KDM2A: variants seen among roughly 807,000 people sequenced by gnomAD.
KDM2A encodes lysine demethylase 2A.
KDM2A carries 3 observed loss-of-function variants against 137.3 expected under a neutral mutation model. The ratio of observed to expected loss-of-function variants is 0.02; its 90% CI spans 0.01 to 0.06. The LOEUF (loss-of-function observed/expected upper bound fraction) is 0.06, where lower values mean the gene tolerates loss of function less well. Ranked by LOEUF, KDM2A falls within the 10% of genes least tolerant of loss-of-function variation. KDM2A has a pLI of 1.00. For missense variants in KDM2A, 738 were observed against 1,510.6 expected (o/e 0.49, Z 8.48); for synonymous variants, 512 against 541.5 (o/e 0.95, Z 0.76).
chr11:67,245,303 A>G lies in KDM2A; in HGVS notation c.1678A>G (p.Ile560Val). 1.9e-6 allele frequency: 3 copies of G among 1,613,990 alleles called. No homozygotes were observed. The highest frequency in any genetic ancestry group is 2.5e-6 in the Non-Finnish European group (3 of 1,179,902). The change falls in exon 14 of 21, where the codon ATT becomes GTT. Residue 560 changes from isoleucine (I) to valine (V), a missense_variant. Coordinates refer to ENST00000529006, the MANE Select transcript of KDM2A (RefSeq NM_012308.3). The surrounding 1 kb of genome is among the most constrained non-coding windows in gnomAD (Gnocchi z 4.1). ...TPVRPAAASP[I>V]VSGARRRRVR... is the part of the protein sequence containing the mutation. ...TGTGAGGCCAGCTGCTGCCTCCCCG[A>G]TTGTGTCAGGAGCCAGACGGAGACG...
At chr11:67,217,665 T>G in intron 8 of KDM2A, 66 bp from the exon 9 acceptor site, 1 of 1,504,596 alleles carries the variant, frequency 6.6e-7, no homozygotes, top group East Asian at 2.3e-5. Flanking sequence ...TACCTGTTTA[T>G]CAGTTGAGGG....
chr11:67,212,980 G>A (rs1321663155), intron 6 of KDM2A, among the ~76,000 whole-genome samples: 1 of 152,154 alleles, frequency 6.6e-6, no homozygotes, highest in South Asian at 2.1e-4. Context: ...GGCATCCAGG[G>A]CTTATTCAAT....
At chr11:67,216,157 G>A (rs930857073) in intron 8 of KDM2A, among the ~76,000 whole-genome samples, 4 of 152,166 alleles carry the variant, frequency 2.6e-5, no homozygotes, top group African/African-American at 9.7e-5. Flanking sequence ...TTACACCATT[G>A]GCACAGCACT....
At position 67,255,345 on chromosome 11, in the gene KDM2A, G is replaced by A; in HGVS notation, c.*290G>A. The A allele has an allele frequency of 2.1e-6, 1 of 475,440 alleles. No individual in the cohort carries two copies. Among genetic ancestry groups the A allele is most frequent in the Non-Finnish European group, 4.0e-6 (1 of 252,462 alleles). 29.5% of individuals were successfully genotyped at this position (475,440 alleles called of 1,614,324 possible). The stretch of plus-strand genomic sequence containing the variant: ...CGCTTACTCGCCTGCCAGGAGGCCG[G>A]GCTCTCAGTTTGGGGTGTTTGTGCA... On this transcript the variant is annotated 3_prime_UTR_variant, in exon 21 of 21. Transcript: ENST00000529006.
chr11:67,180,348 T>C (rs1375433104), intron 3 of KDM2A, 131 bp downstream of exon 3: 13 of 922,788 alleles, frequency 1.4e-5, no homozygotes, highest in Admixed American at 6.2e-5. Context: ...TCTCTTGTTA[T>C]ACAATGCCAT....
At chr11:67,169,677 A>G (rs1344730022) in intron 2 of KDM2A, among the ~76,000 whole-genome samples, 1 of 148,466 alleles carries the variant, frequency 6.7e-6, no homozygotes, top group Non-Finnish European at 1.5e-5. Flanking sequence ...CGCTCAGCCC[A>G]TCACTTGGTT....
intron 2 of KDM2A, among the ~76,000 whole-genome samples, chr11:67,141,734 C>T (rs1380140042): frequency 2.0e-5 from 3 of 148,622 alleles, no homozygotes; most frequent in Admixed American, 6.8e-5. Context: ...ATTATAGTCA[C>T]CCTACTTACG....
intron 1 of KDM2A, among the ~76,000 whole-genome samples, chr11:67,120,856 C>T (rs778159665): frequency 6.6e-6 from 1 of 151,692 alleles, no homozygotes; most frequent in Non-Finnish European, 1.5e-5. Context: ...TGGTTAGGAT[C>T]TGGATTAGTT....
intron 12 of KDM2A, among the ~76,000 whole-genome samples, chr11:67,234,627 A>G (rs994143460): frequency 1.1e-4 from 17 of 152,218 alleles, no homozygotes; most frequent in Admixed American, 6.5e-5. Flanking sequence ...CTAGTGCTTT[A>G]GGCGGCAGAC....
At chr11:67,207,870 CA>C (rs1023958826) in intron 6 of KDM2A, among the ~76,000 whole-genome samples, 182 bp downstream of exon 6, 35 of 144,204 alleles carry the variant, frequency 2.4e-4, no homozygotes, top group African/African-American at 2.8e-4. Flanking sequence ...ACAAAAAGTA[CA>C]AAAAAAAAAA....
intron 5 of KDM2A, among the ~76,000 whole-genome samples, chr11:67,204,193 G>T (rs979050031): frequency 9.2e-5 from 14 of 152,006 alleles, no homozygotes; most frequent in African/African-American, 3.4e-4. Context: ...TAACCATTAC[G>T]TTTTTTTCTT....
chr11:67,140,831 G>T (rs1856083450), intron 2 of KDM2A, among the ~76,000 whole-genome samples: 1 of 152,048 alleles, frequency 6.6e-6, no homozygotes, highest in Admixed American at 6.5e-5. Flanking sequence ...TAATTCACCA[G>T]TTATTTATTG....
At position 67,255,022 on chromosome 11, in the gene KDM2A, G is replaced by C. The variant is rs751496172; in HGVS notation, c.3456G>C (p.Leu1152=). The C allele has an allele frequency of 6.2e-7, 1 of 1,612,950 alleles. No individual in the cohort carries two copies. The highest frequency in any genetic ancestry group is 8.5e-7 in the Non-Finnish European group (1 of 1,179,440). The change falls in exon 21 of 21, where the codon CTG becomes CTC. Residue 1152 remains leucine, a synonymous_variant. Coordinates refer to ENST00000529006, the MANE Select transcript of KDM2A (RefSeq NM_012308.3). The stretch of plus-strand genomic sequence containing the variant: ...TGTCCATCAACAGCCTCTACTGCCT[G>C]TCTGACGAGAAGCTGATACAGAAGA... ...SDLSINSLYC[L]SDEKLIQKIS
intron 2 of KDM2A, among the ~76,000 whole-genome samples, chr11:67,125,433 G>A (rs1166998878): frequency 6.6e-6 from 1 of 151,522 alleles, no homozygotes; most frequent in African/African-American, 2.4e-5. Context: ...TGCCCGCCTT[G>A]GCCTCCCAAC....
intron 2 of KDM2A, among the ~76,000 whole-genome samples, chr11:67,174,185 G>A (rs1590748458): frequency 6.6e-6 from 1 of 152,200 alleles, no homozygotes; most frequent in South Asian, 2.1e-4. Context: ...TTGAACCTGG[G>A]AGACAGAGGT....
chr11:67,169,771 T>TG, intron 2 of KDM2A, among the ~76,000 whole-genome samples: 3 of 129,648 alleles, frequency 2.3e-5, no homozygotes, highest in African/African-American at 7.8e-5. Flanking sequence ...TTTTTTTTTT[T>TG]TTTTGAGACG....
chr11:67,207,600 C>A lies in KDM2A; in HGVS notation c.398C>A (p.Pro133Gln). The change falls in exon 6 of 21, where the codon CCA becomes CAA. Residue 133 changes from proline (P) to glutamine (Q), a missense_variant. Transcript: ENST00000529006. Reference sequence around the variant, plus strand: ...CAGTGGACACGCTACTATGAGACCCCAGAGGAGGAGCGAGAGAAACTCTAT... The same window carrying A: ...CAGTGGACACGCTACTATGAGACCCAAGAGGAGGAGCGAGAGAAACTCTAT... ...MAQWTRYYETPEEEREKLYNV... is the reference protein window; with the variant it reads ...MAQWTRYYETQEEEREKLYNV... 6.2e-7 allele frequency: 1 copy of A among 1,613,716 alleles called. No individual in the cohort carries two copies. The highest frequency in any genetic ancestry group is 8.5e-7 in the Non-Finnish European group (1 of 1,179,778).
chr11:67,148,883 C>T (rs1590723805), intron 2 of KDM2A, among the ~76,000 whole-genome samples: 2 of 152,002 alleles, frequency 1.3e-5, no homozygotes, highest in East Asian at 3.8e-4. Context: ...GGTATTTTGC[C>T]TAGAATTAAC....
intron 10 of KDM2A, 34 bp downstream of exon 10, chr11:67,219,437 A>G: frequency 8.3e-7 from 1 of 1,209,246 alleles, no homozygotes; most frequent in Non-Finnish European, 1.2e-6. Flanking sequence ...GCATGTGAAG[A>G]GGTTTACTCC....
Sources: gnomAD v4.1 joint callset for allele counts (sites outside exome capture counted in the v4.1 genomes callset) on GRCh38, gnomAD v4.1.1 for gene constraint, Gnocchi (gnomAD v3.1) non-coding constraint, MANE v1.5 for transcripts, NCBI Gene and HGNC (gene_info 2026-07-23, HGNC 2026-07-21) for gene names.